Variants in ATP6AP2 observed in about 807,000 individuals in gnomAD.
The protein encoded by ATP6AP2 is ATPase H+ transporting accessory protein 2.
In ATP6AP2, 1 loss-of-function variant was observed where a neutral mutation model predicts 23.4. The observed-to-expected ratio is 0.04, with a 90% confidence interval of 0.02 to 0.20. ATP6AP2 has a LOEUF of 0.20. ATP6AP2 is among the 10% of genes least tolerant of loss of function. The pLI is 1.00. For missense variants in ATP6AP2, 174 were observed against 271.3 expected (o/e 0.64, Z 2.52); for synonymous variants, 90 against 97.1 (o/e 0.93, Z 0.43).
chrX:40,588,436 A>T (rs779871245), intron 1 of ATP6AP2, among the ~76,000 whole-genome samples: 1 of 105,611 alleles, frequency 9.5e-6, no homozygotes, highest in Admixed American at 1.1e-4. Flanking sequence ...AACCTGGTAA[A>T]ATCTTATAGT....
chrX:40,605,070 A>T (rs1927037822), intron 8 of ATP6AP2: 1 of 116,778 alleles, frequency 8.6e-6, no homozygotes, highest in Admixed American at 8.8e-5. Context: ...AGTAGCTGGG[A>T]TTACAGGCAC....
At chrX:40,583,905 T>A (rs1170802662) in intron 1 of ATP6AP2, among the ~76,000 whole-genome samples, 1 of 111,064 alleles carries the variant, frequency 9.0e-6, no homozygotes, top group Non-Finnish European at 1.9e-5. Context: ...GATGGTGAAT[T>A]GGGTGTGTTT....
intron 3 of ATP6AP2, among the ~76,000 whole-genome samples, chrX:40,594,383 G>A (rs1926725612): frequency 8.9e-6 from 1 of 112,487 alleles, no homozygotes; most frequent in African/African-American, 3.2e-5. Flanking sequence ...AGGGAGAAAA[G>A]ACACTGTCAT....
chrX:40,589,608 A>G (rs1926572582), intron 2 of ATP6AP2: 1 of 116,976 alleles, frequency 8.5e-6, no homozygotes, highest in African/African-American at 3.3e-5. Context: ...GATAAAATAT[A>G]TATGCATTAT....
chrX:40,600,020 C>A, intron 7 of ATP6AP2: 2 of 310,807 alleles, frequency 6.4e-6, no homozygotes, highest in Non-Finnish European at 1.2e-5. Context: ...ACCACTTTAA[C>A]CATTTTTAAT....
At chrX:40,599,007 T>A (rs936914798) in intron 6 of ATP6AP2, 29 of 362,476 alleles carry the variant, frequency 8.0e-5, no homozygotes, top group African/African-American at 7.4e-4. Flanking sequence ...CTAACTTGGC[T>A]GTTGATTTCT....
intron 1 of ATP6AP2, among the ~76,000 whole-genome samples, chrX:40,581,936 G>A (rs1393229485): frequency 8.9e-6 from 1 of 112,022 alleles, no homozygotes; most frequent in African/African-American, 3.2e-5. Context: ...TTGGGTGCTG[G>A]ATTTGATTTC....
chrX:40,599,692 C>T lies in ATP6AP2; in HGVS notation c.689C>T (p.Ser230Phe). 1 of 1,211,478 alleles carries T rather than the reference C, an allele frequency of 8.3e-7. No homozygotes were observed. The highest frequency in any genetic ancestry group is 1.1e-6 in the Non-Finnish European group (1 of 895,381). The change falls in exon 7 of 9, where the codon TCT becomes TTT. Residue 230 changes from serine (S) to phenylalanine (F), a missense_variant. Transcript: ENST00000636580. ...DEIGKRYGED[S>F]EQFRDASKIL... Reference sequence around the variant, plus strand: ...ATTGGGAAGCGTTATGGGGAAGACTCTGAACAATTCAGAGATGCTTCTAAG... The same window carrying T: ...ATTGGGAAGCGTTATGGGGAAGACTTTGAACAATTCAGAGATGCTTCTAAG...
intron 3 of ATP6AP2, among the ~76,000 whole-genome samples, chrX:40,593,769 G>C (rs1926707483): frequency 9.0e-6 from 1 of 111,171 alleles, no homozygotes; most frequent in African/African-American, 3.3e-5. Context: ...CAGCCTCCCA[G>C]TGGATCTCAG....
At chrX:40,586,117 C>T (rs1201606449) in intron 1 of ATP6AP2, among the ~76,000 whole-genome samples, 3 of 111,423 alleles carry the variant, frequency 2.7e-5, no homozygotes, top group African/African-American at 6.5e-5. Flanking sequence ...TGAAGTGTGA[C>T]TTCATTCATT....
At position 40,600,637 on chromosome X, in the gene ATP6AP2, C is replaced by T. The variant is rs1350807035; in HGVS notation, c.739-125C>T. ...TAGCCAATGTGGACTTAAGCCATTCCACAATGTGTACATATTTCAAAACAA... is the reference window on the plus strand; with the variant it reads ...TAGCCAATGTGGACTTAAGCCATTCTACAATGTGTACATATTTCAAAACAA... On this transcript the variant is annotated intron_variant, in intron 7 of 8. Transcript: ENST00000636580. 3.9e-6 allele frequency: 3 copies of T among 767,724 alleles called. No homozygotes were observed. The African/African-American group carries it at 6.5e-5, about 17-fold the overall frequency. The allele number at this position is 767,724 out of a possible 1,213,427, so 63.3% of individuals were successfully genotyped here.
chrX:40,581,169 G>T lies in ATP6AP2; in HGVS notation c.37+67G>T, dbSNP rs745354255. 2.5e-5 allele frequency: 25 copies of T among 1,014,664 alleles called. No homozygotes were observed. In the African/African-American group the frequency reaches 4.6e-4, roughly 19 times the overall value. The allele number at this position is 1,014,664 out of a possible 1,213,427, so 83.6% of individuals were successfully genotyped here. A position where few individuals can be genotyped will look rare whatever the true frequency, so the allele number is the denominator to read the frequency against. ...TGCGCCGCGGGGCTTGGGGGTCGGG[G>T]GCGGCCGCGGGCGAGTAGCTGCGAG... On this transcript the variant is annotated intron_variant, in intron 1 of 8. Coordinates refer to ENST00000636580, the MANE Select transcript of ATP6AP2 (RefSeq NM_005765.3).
intron 1 of ATP6AP2, among the ~76,000 whole-genome samples, chrX:40,588,256 T>TG (rs1052678849): frequency 9.1e-6 from 1 of 110,393 alleles, no homozygotes; most frequent in African/African-American, 3.3e-5. Context: ...CCTCTTGACA[T>TG]GTCAACTACA....
intron 8 of ATP6AP2, among the ~76,000 whole-genome samples, chrX:40,601,306 AC>A (rs199848835): frequency 2.7e-5 from 3 of 109,606 alleles, no homozygotes; most frequent in Non-Finnish European, 1.9e-5. Flanking sequence ...TGTTTTGAAA[AC>A]AAAAAGAAGT....
chrX:40,603,215 T>G (rs1193413577), intron 8 of ATP6AP2: 2 of 109,955 alleles, frequency 1.8e-5, no homozygotes, highest in East Asian at 5.7e-4. Flanking sequence ...ATTACAGGTG[T>G]AAGCTACCAT....
chrX:40,597,634 C>T lies in ATP6AP2; in HGVS notation c.504C>T (p.Leu168=), dbSNP rs2146542730. The change falls in exon 5 of 9, where the codon CTC becomes CTT. Residue 168 remains leucine, a synonymous_variant. Transcript: ENST00000636580. ...LFQENSVLSS[L]PLNSLSRNNE... ...AAGAAAACTCTGTTCTCAGTTCACT[C>T]CCCCTCAATTCTCTGAGTAGGAACA... 8.3e-7 allele frequency: 1 copy of T among 1,209,183 alleles called. No homozygotes were observed. Among genetic ancestry groups the T allele is most frequent in the Non-Finnish European group, 1.1e-6 (1 of 893,012 alleles).
At chrX:40,605,402 C>T in intron 8 of ATP6AP2, 159 bp from the exon 9 acceptor site, 1 of 493,487 alleles carries the variant, frequency 2.0e-6, no homozygotes, top group Non-Finnish European at 3.4e-6. Context: ...GTGTCGTCTC[C>T]ACAAAGGCGC....
rs371701957 is a variant in ATP6AP2, at chrX:40,588,999, C to T, written c.51C>T (p.Asn17=). Residue 17 remains asparagine (N), a synonymous_variant, in exon 2 of 9, where the codon AAC becomes AAT. Transcript: ENST00000636580. ...TTTTCTTTTCAGGTGTTTTGGGGAA[C>T]GAGTTTAGTATATTAAAATCACCAG... ...LLALVAGVLG[N]EFSILKSPGS... The T allele has an allele frequency of 2.5e-6, 3 of 1,209,154 alleles. No homozygotes were observed. Among genetic ancestry groups the T allele is most frequent in the Non-Finnish European group, 3.4e-6 (3 of 894,025 alleles).
At chrX:40,600,993 C>G in intron 8 of ATP6AP2, 112 bp downstream of exon 8, 1 of 814,550 alleles carries the variant, frequency 1.2e-6, no homozygotes, top group Non-Finnish European at 1.7e-6. Context: ...GTCAGTAAAT[C>G]TGAAAAACAA....
Sources: gnomAD v4.1 joint callset for allele counts (sites outside exome capture counted in the v4.1 genomes callset) on GRCh38, gnomAD v4.1.1 for gene constraint, MANE v1.5 for transcripts, NCBI Gene and HGNC (gene_info 2026-07-23, HGNC 2026-07-21) for gene names.